FAM163B: variants seen among roughly 807,000 people sequenced by gnomAD.
FAM163B encodes the protein protein FAM163B.
In FAM163B, 4 loss-of-function variants were observed where a neutral mutation model predicts 7.6. That is an observed-to-expected ratio of 0.52 (90% confidence interval 0.26 to 1.20). The LOEUF (loss-of-function observed/expected upper bound fraction) is 1.20, where lower values mean the gene tolerates loss of function less well. FAM163B is among the 50% of genes most tolerant of loss of function. The pLI is 0.14. For synonymous variants in FAM163B, 120 were observed against 111.6 expected (o/e 1.07, Z -0.47); for missense variants, 250 against 243.0 (o/e 1.03, Z -0.19).
In FAM163B at chr9:133,579,373, G is replaced by A. The variant is rs781283745; in HGVS notation, c.150C>T (p.Ala50=). The change falls in exon 3 of 3, where the codon GCC becomes GCT. Residue 50 remains alanine (A), a synonymous_variant. Coordinates refer to ENST00000673969, the MANE Select transcript of FAM163B (RefSeq NM_001080515.3). ...GCAGCGGGGGCAGGTGCGAGTGAAC[G>A]GCGAAGTCTGGTTCCTCCTCGTCCT... The part of the protein sequence containing the change: ...SEEDEEEPDF[A]VHSHLPPLHS... 3.0e-4 allele frequency: 489 copies of A among 1,611,848 alleles called. 1 individual carries two copies. The East Asian group carries it at 9.1e-3, about 30-fold the overall frequency.
chr9:133,590,082 C>CCCTT (rs1831519879), intron 1 of FAM163B, among the ~76,000 whole-genome samples: 1 of 46,452 alleles, frequency 2.2e-5, no homozygotes, highest in African/African-American at 8.7e-5. Context: ...CCTTCCCCTT[C>CCCTT]CCCTTCCCTT....
chr9:133,588,701 G>GGGATCTAGTGTGCTGAA (rs1831489842), intron 1 of FAM163B, among the ~76,000 whole-genome samples: 1 of 8,362 alleles, frequency 1.2e-4, no homozygotes. Flanking sequence ...AGCATGCTGA[G>GGGATCTAGTGTGCTGAA]GGATCTAGCA....
intron 1 of FAM163B, among the ~76,000 whole-genome samples, chr9:133,596,866 A>G (rs1200398171): frequency 6.6e-6 from 1 of 152,210 alleles, no homozygotes; most frequent in African/African-American, 2.4e-5. Context: ...CAATATTTGA[A>G]GCTCTCACAG....
intron 1 of FAM163B, among the ~76,000 whole-genome samples, chr9:133,588,996 C>T (rs191434811): frequency 1.3e-3 from 199 of 152,194 alleles, no homozygotes; most frequent in Non-Finnish European, 2.0e-3. Context: ...GGTTCAGGCC[C>T]CGTCTCTCTG....
At position 133,606,239 on chromosome 9, in the gene FAM163B, G is replaced by T. The variant is rs1232005115; in HGVS notation, c.-24+2838C>A. On this transcript the variant is annotated intron_variant, in intron 1 of 2. Coordinates refer to ENST00000673969, the MANE Select transcript of FAM163B (RefSeq NM_001080515.3). This position sits in a 1 kb window ranked among gnomAD's most constrained non-coding sequence, Gnocchi z 4.0. ...ACCTCCACCAGCCCACTTCACCCCA[G>T]GGGCAACAGGATTCCTTCCCCTCTC... is the stretch of plus-strand genomic sequence containing the variant. Among the ~76,000 whole-genome samples the T allele has an allele frequency of 6.6e-6, 1 of 152,194 alleles. No homozygotes were observed. The highest frequency in any genetic ancestry group is 1.9e-4 in the East Asian group (1 of 5,190).
intron 1 of FAM163B, among the ~76,000 whole-genome samples, chr9:133,595,255 C>G (rs972725898): frequency 6.6e-6 from 1 of 152,226 alleles, no homozygotes; most frequent in Non-Finnish European, 1.5e-5. Context: ...AAGTGATTCT[C>G]CTGCCTCAAC....
chr9:133,584,989 C>T (rs1378583220), intron 1 of FAM163B, among the ~76,000 whole-genome samples: 3 of 152,216 alleles, frequency 2.0e-5, no homozygotes, highest in Non-Finnish European at 2.9e-5. Flanking sequence ...TTATAAATGG[C>T]TTTGCTTCCC....
At chr9:133,598,916 TGGC>T (rs1831670744) in intron 1 of FAM163B, among the ~76,000 whole-genome samples, 1 of 151,990 alleles carries the variant, frequency 6.6e-6, no homozygotes, top group Non-Finnish European at 1.5e-5. Context: ...AGAACAAAGG[TGGC>T]CTGAGATCCC....
intron 1 of FAM163B, among the ~76,000 whole-genome samples, chr9:133,597,748 A>G (rs533982606): frequency 6.6e-6 from 1 of 152,286 alleles, no homozygotes; most frequent in East Asian, 1.9e-4. Context: ...CAAGGGCTGC[A>G]TGACCTACAA....
Position 133,590,088 on chromosome 9 carries a change from CCCTTCCCCTTCCCCTT to C in FAM163B, c.-23-9858_-23-9843del, listed in dbSNP as rs1186179604. ...TTCCCCTTCCCTTCCCCTTCCCCTT[CCCTTCCCCTTCCCCTT>C]CCCTTCCCCTCCCCTTCCCCTCCCC... is the stretch of plus-strand genomic sequence containing the variant. On this transcript the variant is annotated intron_variant, in intron 1 of 2. Transcript: ENST00000673969. Among the ~76,000 whole-genome samples the C allele has an allele frequency of 4.4e-4, 8 of 18,154 alleles. 1 individual carries two copies. Among genetic ancestry groups the C allele is most frequent in the African/African-American group, 1.3e-3 (7 of 5,294 alleles). 11.9% of individuals were successfully genotyped at this position (18,154 alleles called of 152,430 possible).
At chr9:133,597,312 T>C (rs116056050) in intron 1 of FAM163B, among the ~76,000 whole-genome samples, 1,705 of 152,250 alleles carry the variant, frequency 0.011, 35 homozygotes, top group African/African-American at 0.039. Context: ...ACCGAACTTC[T>C]AGAGATGAAA....
chr9:133,591,513 T>C (rs2131242996), intron 1 of FAM163B, among the ~76,000 whole-genome samples: 1 of 152,262 alleles, frequency 6.6e-6, no homozygotes, highest in South Asian at 2.1e-4. Context: ...ATGTGAGCCC[T>C]CCCTGGTCCA....
chr9:133,587,977 A>C, intron 1 of FAM163B, among the ~76,000 whole-genome samples: 1 of 98,866 alleles, frequency 1.0e-5, no homozygotes. Context: ...ACGGGGGGCG[A>C]GCCTGGGAGG....
At chr9:133,608,398 G>T (rs188488872) in intron 1 of FAM163B, among the ~76,000 whole-genome samples, 38 of 152,308 alleles carry the variant, frequency 2.5e-4, no homozygotes, top group African/African-American at 8.9e-4. Context: ...TGGGTTTTTG[G>T]TGTGTAGAGT....
At chr9:133,605,271 C>G (rs983533990) in intron 1 of FAM163B, among the ~76,000 whole-genome samples, 1 of 152,190 alleles carries the variant, frequency 6.6e-6, no homozygotes, top group African/African-American at 2.4e-5. Context: ...GAACCTGGGG[C>G]CCAGAGAGGC....
At chr9:133,585,317 C>T (rs1831418485) in intron 1 of FAM163B, among the ~76,000 whole-genome samples, 1 of 152,234 alleles carries the variant, frequency 6.6e-6, no homozygotes, top group Admixed American at 6.5e-5. Context: ...CTTTCCCTGG[C>T]AGGAGACCCC....
In FAM163B at chr9:133,578,891, C is replaced by A; in HGVS notation, c.*131G>T. The A allele has an allele frequency of 7.0e-7, 1 of 1,419,418 alleles. No individual in the cohort carries two copies. Among genetic ancestry groups the A allele is most frequent in the Non-Finnish European group, 9.2e-7 (1 of 1,087,420 alleles). 87.9% of individuals were successfully genotyped at this position (1,419,418 alleles called of 1,614,324 possible). A position where few individuals can be genotyped will look rare whatever the true frequency, so the allele number is the denominator to read the frequency against. ...CTGGGGGCTCCCCAAGCCTGGGCCT[C>A]CCCTGAGGACAGGGATTCCAGGAGG... is the stretch of plus-strand genomic sequence containing the variant. On this transcript the variant is annotated 3_prime_UTR_variant, in exon 3 of 3. Transcript: ENST00000673969.
At chr9:133,584,931 C>A (rs940593759) in intron 1 of FAM163B, among the ~76,000 whole-genome samples, 1 of 152,234 alleles carries the variant, frequency 6.6e-6, no homozygotes, top group Non-Finnish European at 1.5e-5. Context: ...GCGAGAATAG[C>A]GCTGAATTGT....
chr9:133,607,710 G>A (rs545068528), intron 1 of FAM163B, among the ~76,000 whole-genome samples: 1 of 152,320 alleles, frequency 6.6e-6, no homozygotes, highest in African/African-American at 2.4e-5. Context: ...TACAAAGACT[G>A]CCCTGTGGGT....
Sources: allele counts gnomAD v4.1 joint callset (sites outside exome capture counted in the v4.1 genomes callset), GRCh38; gene constraint gnomAD v4.1.1; non-coding constraint Gnocchi (gnomAD v3.1); transcripts MANE v1.5; gene names NCBI Gene and HGNC (gene_info 2026-07-23, HGNC 2026-07-21).